The following RGS7 variants were observed in gnomAD, a reference collection of about 807,000 sequenced individuals.
The protein encoded by RGS7 is regulator of G protein signaling 7.
Under a neutral mutation model 81.1 loss-of-function variants are expected in RGS7, and 27 were observed. That is an observed-to-expected ratio of 0.33 (90% CI 0.25 to 0.46). The LOEUF (loss-of-function observed/expected upper bound fraction) is 0.46. RGS7 is among the 20% of genes least tolerant of loss of function. RGS7 has a pLI of 1.00. For missense variants in RGS7, 396 were observed against 607.4 expected, an observed-to-expected ratio of 0.65 and a Z score of 3.66; for synonymous variants, 208 against 207.7, an observed-to-expected ratio of 1.00 and a Z score of -0.01.
chr1:241,261,583 C>T lies in RGS7; in HGVS notation c.78+94116G>A, dbSNP rs373159036. The stretch of plus-strand genomic sequence containing the variant: ...GGTGGAGGTTGCAGTGAGCCGAGAT[C>T]GTGCCATTGCACTCCAGCCTGGGCG... On this transcript the variant is annotated intron_variant, in intron 2 of 18. Transcript: ENST00000440928. Among the ~76,000 whole-genome samples, 719 of 145,236 alleles carry T rather than the reference C, an allele frequency of 5.0e-3. 5 individuals are homozygous for T. Among genetic ancestry groups the T allele is most frequent in the African/African-American group, 0.018 (696 of 39,174 alleles).
Position 241,247,643 on chromosome 1 carries a change from A to C in RGS7, c.78+108056T>G, listed in dbSNP as rs185733568. ...GGTGGTATGCATGGCCACCAAGGAG[A>C]TGCAGATTGGATTTAACTAGAATAA... On this transcript the variant is annotated intron_variant, in intron 2 of 18. Coordinates refer to ENST00000440928, the MANE Select transcript of RGS7 (RefSeq NM_001364886.1). Among the ~76,000 whole-genome samples the C allele has an allele frequency of 3.3e-5, 5 of 152,276 alleles. No homozygotes were observed. The East Asian group carries it at 9.6e-4, about 29-fold the overall frequency.
At chr1:241,268,535 C>T (rs1256798785) in intron 2 of RGS7, among the ~76,000 whole-genome samples, 1 of 152,156 alleles carries the variant, frequency 6.6e-6, no homozygotes, top group Non-Finnish European at 1.5e-5. Flanking sequence ...TGAGTTCTTC[C>T]AACTGTTTCT....
rs1170569126 is a variant in RGS7, at chr1:241,345,797, C to CT, written c.78+9901_78+9902insA. Among the ~76,000 whole-genome samples the CT allele has an allele frequency of 3.9e-5, 6 of 152,204 alleles. No individual in the cohort carries two copies. In the East Asian group the frequency reaches 1.2e-3, roughly 29 times the overall value. Reference sequence around the variant, plus strand: ...CTTTGGGAGGCCGAGGTGGGTGGATCACAAGGCCAGGAGATTGAGACCATC... The same window carrying CT: ...CTTTGGGAGGCCGAGGTGGGTGGATCTACAAGGCCAGGAGATTGAGACCATC... On this transcript the variant is annotated intron_variant, in intron 2 of 18. Transcript: ENST00000440928.
At chr1:241,146,421 C>T (rs12047507) in intron 2 of RGS7, among the ~76,000 whole-genome samples, 1 of 152,096 alleles carries the variant, frequency 6.6e-6, no homozygotes, top group African/African-American at 2.4e-5. Flanking sequence ...TGAGGGGAAT[C>T]CTGGAACCAA....
chr1:240,903,148 A>T (rs766693906), intron 6 of RGS7, among the ~76,000 whole-genome samples: 10 of 152,234 alleles, frequency 6.6e-5, no homozygotes, highest in Non-Finnish European at 1.3e-4. Flanking sequence ...AACATGGGTT[A>T]TGCCACAAAG....
At position 240,944,332 on chromosome 1, in the gene RGS7, A is replaced by G. The variant is rs909047586; in HGVS notation, c.227-7626T>C. The stretch of plus-strand genomic sequence containing the variant: ...TATATATATATATATATATATATAT[A>G]TGTTAGGTGCATAGAATAGTATTCA... On this transcript the variant is annotated intron_variant, in intron 4 of 18. Transcript: ENST00000440928. Among the ~76,000 whole-genome samples the G allele has an allele frequency of 4.3e-5, 5 of 115,882 alleles. No individual in the cohort carries two copies. In the East Asian group the frequency reaches 1.1e-3, roughly 25 times the overall value. The allele number at this position is 115,882 out of a possible 152,430, so 76.0% of individuals were successfully genotyped here.
rs1259191016 is a variant in RGS7 at position 240,840,948 on chromosome 1, GTGTGTGTGCATT to G, written c.610-13788_610-13777del. Among the ~76,000 whole-genome samples the G allele has an allele frequency of 3.3e-5, 5 of 152,286 alleles. No individual in the cohort carries two copies. The East Asian group carries it at 9.6e-4, about 29-fold the overall frequency. ...TTTCTGTTTGCTTGTGTGTATGTGT[GTGTGTGTGCATT>G]TGTGTGTGCTTGAGAATGTTGGTAC... On this transcript the variant is annotated intron_variant, in intron 9 of 18. Transcript: ENST00000440928.
At chr1:241,183,114 TCTC>T (rs1296510435) in intron 2 of RGS7, among the ~76,000 whole-genome samples, 1 of 152,080 alleles carries the variant, frequency 6.6e-6, no homozygotes, top group African/African-American at 2.4e-5. Flanking sequence ...GCTGGGTTCT[TCTC>T]CTCATTAGAG....
intron 6 of RGS7, among the ~76,000 whole-genome samples, chr1:240,911,496 G>C (rs548010490): frequency 1.4e-4 from 22 of 152,012 alleles, no homozygotes; most frequent in African/African-American, 5.3e-4. Flanking sequence ...TCTCATCCAC[G>C]ACCATGGCTT....
At chr1:241,155,046 T>A (rs1032649812) in intron 2 of RGS7, among the ~76,000 whole-genome samples, 4 of 152,226 alleles carry the variant, frequency 2.6e-5, no homozygotes, top group African/African-American at 9.6e-5. Flanking sequence ...AATTTCATAC[T>A]TAGTAATGAG....
At chr1:240,898,613 T>C (rs1022393944) in intron 6 of RGS7, among the ~76,000 whole-genome samples, 1 of 152,254 alleles carries the variant, frequency 6.6e-6, no homozygotes, top group African/African-American at 2.4e-5. Flanking sequence ...TTCTTAATCC[T>C]GACTTCTAGT....
chr1:240,870,240 T>C lies in RGS7; in HGVS notation c.386-121A>G, dbSNP rs528719105. ...TCCCAAGTTGTAATTTTTGATCATT[T>C]TCTTAGACAAAAAATAATTATGTAA... is the stretch of plus-strand genomic sequence containing the variant. On this transcript the variant is annotated intron_variant, in intron 6 of 18. Transcript: ENST00000440928. 1,103 of 807,926 alleles carry C rather than the reference T, an allele frequency of 1.4e-3. 3 individuals are homozygous for C. Among genetic ancestry groups the C allele is most frequent in the Non-Finnish European group, 1.5e-3 (726 of 470,706 alleles). The allele number at this position is 807,926 out of a possible 1,614,324, so 50.0% of individuals were successfully genotyped here.
At chr1:240,940,904 G>T (rs917312086) in intron 4 of RGS7, among the ~76,000 whole-genome samples, 1 of 152,128 alleles carries the variant, frequency 6.6e-6, no homozygotes, top group Non-Finnish European at 1.5e-5. Flanking sequence ...TATGTTGGCA[G>T]GTTCTTCTTC....
intron 3 of RGS7, among the ~76,000 whole-genome samples, chr1:241,059,056 T>C (rs769394819): frequency 6.6e-6 from 1 of 152,222 alleles, no homozygotes; most frequent in Non-Finnish European, 1.5e-5. Flanking sequence ...TATTGTTAAC[T>C]ATCCCCTCTT....
At chr1:241,012,167 C>A (rs971691345) in intron 3 of RGS7, among the ~76,000 whole-genome samples, 2 of 152,072 alleles carry the variant, frequency 1.3e-5, no homozygotes, top group African/African-American at 2.4e-5. Flanking sequence ...AGAGAACAGA[C>A]CGTGAGCTAT....
intron 9 of RGS7, among the ~76,000 whole-genome samples, chr1:240,837,096 T>C (rs1029964007): frequency 2.0e-5 from 3 of 152,228 alleles, no homozygotes; most frequent in African/African-American, 7.2e-5. Flanking sequence ...GGATTACCCA[T>C]GTTTAATGTT....
intron 3 of RGS7, among the ~76,000 whole-genome samples, chr1:241,030,065 T>C (rs1438718009): frequency 6.6e-6 from 1 of 152,164 alleles, no homozygotes; most frequent in African/African-American, 2.4e-5. Flanking sequence ...GATTAAACTA[T>C]TACACTGAGA....
chr1:240,889,169 C>A (rs1667868116), intron 6 of RGS7, among the ~76,000 whole-genome samples: 1 of 152,230 alleles, frequency 6.6e-6, no homozygotes, highest in Non-Finnish European at 1.5e-5. Context: ...GTCGGCCAGG[C>A]TGGTCTTGAA....
In RGS7 at chr1:241,181,313, G is replaced by T. The variant is rs560605909; in HGVS notation, c.79-82551C>A. 2.0e-5 allele frequency among the ~76,000 whole-genome samples: 3 copies of T among 152,168 alleles called. No homozygotes were observed. The South Asian group carries it at 6.2e-4, about 32-fold the overall frequency. On this transcript the variant is annotated intron_variant, in intron 2 of 18. Coordinates refer to ENST00000440928, the MANE Select transcript of RGS7 (RefSeq NM_001364886.1). ...AGATTATGTACATATACGGATACGGGGTATAGGAGAAGTCTTTATAGCTTC... is the reference window on the plus strand; with the variant it reads ...AGATTATGTACATATACGGATACGGTGTATAGGAGAAGTCTTTATAGCTTC...
Sources: allele counts gnomAD v4.1 joint callset (sites outside exome capture counted in the v4.1 genomes callset), GRCh38; gene constraint gnomAD v4.1.1; transcripts MANE v1.5; gene names NCBI Gene and HGNC (gene_info 2026-07-23, HGNC 2026-07-21).